The following USP5 variants were observed in gnomAD, a reference collection of about 807,000 sequenced individuals.
USP5 encodes ubiquitin specific peptidase 5, also known as ubiquitin carboxyl-terminal hydrolase 5.
A neutral mutation model predicts 102.5 loss-of-function variants in USP5; 24 were observed. The observed-to-expected ratio is 0.23, with a 90% confidence interval of 0.17 to 0.33. The LOEUF (loss-of-function observed/expected upper bound fraction) is 0.33, where lower values mean the gene tolerates loss of function less well. Ranked by LOEUF, USP5 falls within the 10% of genes least tolerant of loss-of-function variation. USP5 has a pLI of 1.00. For missense variants in USP5, 753 were observed against 1,122.1 expected (o/e 0.67, Z 4.70); for synonymous variants, 460 against 434.8 (o/e 1.06, Z -0.72).
At position 6,858,940 on chromosome 12, in the gene USP5, C is replaced by G. The variant is rs1397313763; in HGVS notation, c.1058+323C>G. ...AGTTAGGGAGCTGCACCACCAGCACCCCAACACACAAACCCCACTGATAGT... is the reference window on the plus strand; with the variant it reads ...AGTTAGGGAGCTGCACCACCAGCACGCCAACACACAAACCCCACTGATAGT... On this transcript the variant is annotated intron_variant, in intron 8 of 19. Coordinates refer to ENST00000229268, the MANE Select transcript of USP5 (RefSeq NM_001098536.2). This position sits in a 1 kb window ranked among gnomAD's most constrained non-coding sequence, Gnocchi z 4.2. The G allele has an allele frequency of 3.1e-5, 8 of 260,848 alleles. No individual in the cohort carries two copies. The highest frequency in any genetic ancestry group is 6.1e-5 in the Non-Finnish European group (8 of 131,432). The allele number at this position is 260,848 out of a possible 1,614,324, so 16.2% of individuals were successfully genotyped here. A position where few individuals can be genotyped will look rare whatever the true frequency, so the allele number is the denominator to read the frequency against.
rs1555129586 is a variant in USP5, at chr12:6,861,576, C to T, written c.1632C>T (p.Asp544=). The T allele has an allele frequency of 6.3e-7, 1 of 1,592,074 alleles. No individual in the cohort carries two copies. Among genetic ancestry groups the T allele is most frequent in the African/African-American group, 1.3e-5 (1 of 74,588 alleles). The change falls in exon 13 of 20, where the codon GAC becomes GAT. Residue 544 remains aspartate (D), a synonymous_variant. Transcript: ENST00000229268. This position sits in a 1 kb window ranked among gnomAD's most constrained non-coding sequence, Gnocchi z 4.9. ...ACGGGGCCCCTGAGCAGGTCGATGA[C>T]TTCTGGAGCACGGCCCTGCAGGCCA... ...EAYGAPEQVD[D]FWSTALQAKS...
At chr12:6,852,850 A>T (rs1943973697) in intron 1 of USP5, among the ~76,000 whole-genome samples, 1 of 152,198 alleles carries the variant, frequency 6.6e-6, no homozygotes, top group African/African-American at 2.4e-5. Flanking sequence ...AGGGGAGGAA[A>T]GAGGAGAGGA....
intron 13 of USP5, among the ~76,000 whole-genome samples, chr12:6,862,125 C>G (rs1944297043): frequency 6.8e-6 from 1 of 147,424 alleles, no homozygotes; most frequent in Admixed American, 6.8e-5. Context: ...ATGTTTTTTT[C>G]CCTACGTGTG....
At chr12:6,852,609 T>C (rs1943952251) in intron 1 of USP5, among the ~76,000 whole-genome samples, 2 of 152,250 alleles carry the variant, frequency 1.3e-5, no homozygotes. Flanking sequence ...AGTGGACCCT[T>C]GAGAAAACCT....
chr12:6,861,438 AC>A lies in USP5; in HGVS notation c.1499-3del. On this transcript the variant is annotated splice_polypyrimidine_tract_variant and splice_region_variant and intron_variant, in intron 12 of 19. Transcript: ENST00000229268. This position sits in a 1 kb window ranked among gnomAD's most constrained non-coding sequence, Gnocchi z 4.9. ...GAAGGATCCACCAACCCATTCTGTC[AC>A]CAGAGGAGCTTCTGGAGTACGAGGA... 1 of 1,562,862 alleles carries A rather than the reference AC, an allele frequency of 6.4e-7. No individual in the cohort carries two copies.
At chr12:6,862,082 GT>G (rs200867324) in intron 13 of USP5, among the ~76,000 whole-genome samples, 5,744 of 142,820 alleles carry the variant, frequency 0.04, 286 homozygotes, top group East Asian at 0.21. Flanking sequence ...CTCTGTGTGG[GT>G]TTTTTTTTTT....
intron 19 of USP5, among the ~76,000 whole-genome samples, chr12:6,865,491 G>C (rs1555130650): frequency 6.6e-6 from 1 of 152,100 alleles, no homozygotes; most frequent in Non-Finnish European, 1.5e-5. Context: ...TTGAACTCCT[G>C]AGCTCAAGTG....
Position 6,858,388 on chromosome 12 carries a change from TTTCTCACTCAGTCTGAAGTGCCCC to T in USP5, c.865-28_865-5del. The T allele has an allele frequency of 3.2e-6, 5 of 1,583,736 alleles. No homozygotes were observed. Among genetic ancestry groups the T allele is most frequent in the Non-Finnish European group, 4.3e-6 (5 of 1,154,902 alleles). ...TCGAGGTAAAAACTACAGGGTTGAG[TTTCTCACTCAGTCTGAAGTGCCCC>T]TTCTCACACAGACAGACAAGACGAT... On this transcript the variant is annotated splice_polypyrimidine_tract_variant and intron_variant, in intron 7 of 19. Transcript: ENST00000229268. This position sits in a 1 kb window ranked among gnomAD's most constrained non-coding sequence, Gnocchi z 4.2.
In USP5 at chr12:6,856,090, A is replaced by G; in HGVS notation, c.378A>G (p.Pro126=). The G allele has an allele frequency of 6.2e-7, 1 of 1,614,164 alleles. No individual in the cohort carries two copies. The highest frequency in any genetic ancestry group is 8.5e-7 in the Non-Finnish European group (1 of 1,180,030). ...LDEDVKIVIL[P]DYLEIARDGL... ...AGGATGTGAAGATTGTCATTTTGCC[A>G]GATTACCTGGAGATTGCCCGGGATG... is the stretch of plus-strand genomic sequence containing the variant. The change falls in exon 4 of 20, where the codon CCA becomes CCG. Residue 126 remains proline, a synonymous_variant. Coordinates refer to ENST00000229268, the MANE Select transcript of USP5 (RefSeq NM_001098536.2). The surrounding 1 kb of genome is among the most constrained non-coding windows in gnomAD (Gnocchi z 5.6).
chr12:6,856,470 C>T lies in USP5; in HGVS notation c.584+20C>T. 6.3e-7 allele frequency: 1 copy of T among 1,591,852 alleles called. No homozygotes were observed. Among genetic ancestry groups the T allele is most frequent in the South Asian group, 1.1e-5 (1 of 87,538 alleles). ...TCCCTGGTGAGGCCTGGCCCCTCTG[C>T]CTCGGGCACCACCCCCAGAGCAAGG... is the stretch of plus-strand genomic sequence containing the variant. On this transcript the variant is annotated intron_variant, in intron 5 of 19. Transcript: ENST00000229268. The surrounding 1 kb of genome is among the most constrained non-coding windows in gnomAD (Gnocchi z 5.6).
rs11612543 is a variant in USP5, at chr12:6,858,737, G to A, written c.1058+120G>A. 12,047 of 958,462 alleles carry A rather than the reference G, an allele frequency of 0.013. 410 individuals carry two copies. Among genetic ancestry groups the A allele is most frequent in the Admixed American group, 0.094 (3,684 of 39,352 alleles). The allele number at this position is 958,462 out of a possible 1,614,324, so 59.4% of individuals were successfully genotyped here. A position where few individuals can be genotyped will look rare whatever the true frequency, so the allele number is the denominator to read the frequency against. Reference sequence around the variant, plus strand: ...TTCTAGTCTTAGAGTAGTTCCTATCGGCTGGGTGTGTTGGCCCACACCCGT... The same window carrying A: ...TTCTAGTCTTAGAGTAGTTCCTATCAGCTGGGTGTGTTGGCCCACACCCGT... On this transcript the variant is annotated intron_variant, in intron 8 of 19. Coordinates refer to ENST00000229268, the MANE Select transcript of USP5 (RefSeq NM_001098536.2). The surrounding 1 kb of genome is among the most constrained non-coding windows in gnomAD (Gnocchi z 4.2).
Position 6,861,190 on chromosome 12 carries a change from C to T in USP5, c.1498+84C>T. The T allele has an allele frequency of 1.3e-6, 2 of 1,564,500 alleles. No individual in the cohort carries two copies. The highest frequency in any genetic ancestry group is 4.5e-5 in the East Asian group (2 of 44,334). On this transcript the variant is annotated intron_variant, in intron 12 of 19. Transcript: ENST00000229268. This position sits in a 1 kb window ranked among gnomAD's most constrained non-coding sequence, Gnocchi z 4.9. ...GCTTGGGCACCTCATGGGAGCACAG[C>T]CCAGGGAATGCCCTGCTTCACCAGC...
chr12:6,854,786 A>G (rs1944059735), intron 1 of USP5, among the ~76,000 whole-genome samples: 2 of 151,746 alleles, frequency 1.3e-5, no homozygotes, highest in South Asian at 2.1e-4. Flanking sequence ...TTTAAAGGAA[A>G]GGTAATTTTG....
chr12:6,856,370 A>G lies in USP5; in HGVS notation c.504A>G (p.Ala168=), dbSNP rs1342329980. The G allele has an allele frequency of 3.1e-6, 5 of 1,613,866 alleles. No individual in the cohort carries two copies. The highest frequency in any genetic ancestry group is 3.3e-5 in the Admixed American group (2 of 59,992). ...CCTCCCGCAAGCAGGAGGTGCAGGC[A>G]TGGGATGGGGAAGTACGGCAGGTGT... ...DSASRKQEVQ[A]WDGEVRQVSK... is the part of the protein sequence containing the mutation. The change falls in exon 5 of 20, where the codon GCA becomes GCG. Residue 168 remains alanine (A), a synonymous_variant. Transcript: ENST00000229268. This position sits in a 1 kb window ranked among gnomAD's most constrained non-coding sequence, Gnocchi z 5.6.
At position 6,863,816 on chromosome 12, in the gene USP5, A is replaced by G; in HGVS notation, c.1955-14A>G. ...CCAATCAGTCGGTCCGTGTACCCACAATTCCCATTACAGCGCCCATGCTGG... is the reference window on the plus strand; with the variant it reads ...CCAATCAGTCGGTCCGTGTACCCACGATTCCCATTACAGCGCCCATGCTGG... On this transcript the variant is annotated splice_polypyrimidine_tract_variant and intron_variant, in intron 15 of 19. Coordinates refer to ENST00000229268, the MANE Select transcript of USP5 (RefSeq NM_001098536.2). The surrounding 1 kb of genome is among the most constrained non-coding windows in gnomAD (Gnocchi z 4.7). 6.4e-7 allele frequency: 1 copy of G among 1,561,532 alleles called. No homozygotes were observed. Among genetic ancestry groups the G allele is most frequent in the African/African-American group, 1.4e-5 (1 of 73,766 alleles).
Position 6,855,116 on chromosome 12 carries a change from G to A in USP5, c.112-285G>A, listed in dbSNP as rs1555127823. On this transcript the variant is annotated intron_variant, in intron 1 of 19. Transcript: ENST00000229268. This position sits in a 1 kb window ranked among gnomAD's most constrained non-coding sequence, Gnocchi z 4.6. Reference sequence around the variant, plus strand: ...AAGCCCAAGAAGGAGCAGGTGGAAAGATAAATGGTGACTGGTGTTGCTGTT... The same window carrying A: ...AAGCCCAAGAAGGAGCAGGTGGAAAAATAAATGGTGACTGGTGTTGCTGTT... 1.3e-5 allele frequency among the ~76,000 whole-genome samples: 2 copies of A among 152,150 alleles called. No individual in the cohort carries two copies. The highest frequency in any genetic ancestry group is 4.8e-5 in the African/African-American group (2 of 41,444).
Position 6,855,330 on chromosome 12 carries a change from G to A in USP5, c.112-71G>A. On this transcript the variant is annotated intron_variant, in intron 1 of 19. Transcript: ENST00000229268. The surrounding 1 kb of genome is among the most constrained non-coding windows in gnomAD (Gnocchi z 4.6). ...TGGAACCCAGCAGTTTCTGACTCCA[G>A]GTTTTGGTTTCCTCACCTGACCAGG... is the stretch of plus-strand genomic sequence containing the variant. 1 of 1,584,952 alleles carries A rather than the reference G, an allele frequency of 6.3e-7. No individual in the cohort carries two copies. Among genetic ancestry groups the A allele is most frequent in the Non-Finnish European group, 8.6e-7 (1 of 1,165,160 alleles).
In USP5 at chr12:6,859,559, A is replaced by G. The variant is rs781828887; in HGVS notation, c.1130+18A>G. 1.2e-5 allele frequency: 19 copies of G among 1,613,532 alleles called. No individual in the cohort carries two copies. The highest frequency in any genetic ancestry group is 6.7e-5 in the Admixed American group (4 of 60,012). On this transcript the variant is annotated intron_variant, in intron 9 of 19. Transcript: ENST00000229268. ...ACCCAGGTGTATGTAACCAGGTCCT[A>G]TGTAGGAAAGCTGTTGACAGTCATG...
At position 6,855,592 on chromosome 12, in the gene USP5, C is replaced by T. The variant is rs1944085814; in HGVS notation, c.237+66C>T. Reference sequence around the variant, plus strand: ...TTCCATTCTGACCTCCTATTGGACTCAGTTTCTTTTTTTCACCTACTTTTG... The same window carrying T: ...TTCCATTCTGACCTCCTATTGGACTTAGTTTCTTTTTTTCACCTACTTTTG... On this transcript the variant is annotated intron_variant, in intron 2 of 19. Transcript: ENST00000229268. This position sits in a 1 kb window ranked among gnomAD's most constrained non-coding sequence, Gnocchi z 4.6. 3 of 1,593,578 alleles carry T rather than the reference C, an allele frequency of 1.9e-6. No individual in the cohort carries two copies. The highest frequency in any genetic ancestry group is 1.8e-5 in the Admixed American group (1 of 56,384).
Sources: gnomAD v4.1 joint callset for allele counts (sites outside exome capture counted in the v4.1 genomes callset) on GRCh38, gnomAD v4.1.1 for gene constraint, Gnocchi (gnomAD v3.1) non-coding constraint, MANE v1.5 for transcripts, NCBI Gene and HGNC (gene_info 2026-07-23, HGNC 2026-07-21) for gene names.